The following NLGN4X variants were observed in gnomAD, a reference collection of about 807,000 sequenced individuals.
The protein encoded by NLGN4X is neuroligin-4, X-linked.
A neutral mutation model predicts 40.3 loss-of-function variants in NLGN4X; 3 were observed. The ratio of observed to expected loss-of-function variants is 0.07; its 90% confidence interval spans 0.03 to 0.19. The LOEUF (loss-of-function observed/expected upper bound fraction) is 0.19, where lower values mean the gene tolerates loss of function less well. NLGN4X is among the 10% of genes least tolerant of loss of function. The probability of loss-of-function intolerance (pLI) is 1.00; values close to 1 mark genes in which losing one functional copy is unlikely to be tolerated. For missense variants in NLGN4X, 382 were observed against 708.3 expected (o/e 0.54, Z 5.23); for synonymous variants, 270 against 306.8 (o/e 0.88, Z 1.25).
intron 3 of NLGN4X, 123 bp downstream of exon 3, chrX:6,029,157 C>A: frequency 1.3e-6 from 1 of 798,898 alleles, no homozygotes; most frequent in Admixed American, 2.4e-5. Flanking sequence ...AAAGTAAATA[C>A]CGTGAAGTGG....
intron 3 of NLGN4X, among the ~76,000 whole-genome samples, chrX:5,970,351 G>GA (rs750607899): frequency 0.026 from 2,855 of 108,109 alleles, 108 homozygotes; most frequent in African/African-American, 0.089. Context: ...AAAAGAAAAA[G>GA]AAAAAAAAAG....
intron 3 of NLGN4X, among the ~76,000 whole-genome samples, chrX:5,995,508 T>C (rs2035794511): frequency 8.9e-6 from 1 of 112,547 alleles, no homozygotes; most frequent in Admixed American, 9.4e-5. Context: ...AGGCAAGATG[T>C]TGACCAACAT....
At chrX:6,028,865 G>C (rs1197041262) in intron 3 of NLGN4X, among the ~76,000 whole-genome samples, 1 of 111,476 alleles carries the variant, frequency 9.0e-6, no homozygotes, top group Non-Finnish European at 1.9e-5. Context: ...TAGAGAATTG[G>C]ATAAAATCTT....
chrX:5,925,891 T>TATATATATATATACATACAC (rs2033279240), intron 3 of NLGN4X, among the ~76,000 whole-genome samples: 1 of 12,064 alleles, frequency 8.3e-5, no homozygotes, highest in African/African-American at 8.7e-4. Flanking sequence ...CATATATATA[T>TATATATATATATACATACAC]ATATATATAT....
chrX:5,927,129 T>C (rs767341559), intron 3 of NLGN4X, among the ~76,000 whole-genome samples: 10 of 111,762 alleles, frequency 8.9e-5, no homozygotes, highest in Non-Finnish European at 1.3e-4. Flanking sequence ...ATACTGTAAA[T>C]TTATAGCAAT....
At chrX:5,897,826 C>G (rs953284024) in intron 5 of NLGN4X, among the ~76,000 whole-genome samples, 1 of 111,537 alleles carries the variant, frequency 9.0e-6, no homozygotes, top group African/African-American at 3.3e-5. Context: ...CCTAATGCTA[C>G]CATGAAAATA....
chrX:6,226,027 A>C, intron 1 of NLGN4X, among the ~76,000 whole-genome samples: 1 of 99,118 alleles, frequency 1.0e-5, no homozygotes, highest in Non-Finnish European at 2.0e-5. Context: ...CCCCACCCCA[A>C]ATTTCTTAAG....
intron 1 of NLGN4X, among the ~76,000 whole-genome samples, chrX:6,217,393 A>C (rs1428737750): frequency 9.0e-6 from 1 of 111,691 alleles, no homozygotes; most frequent in African/African-American, 3.3e-5. Context: ...ATTTTTATAA[A>C]TTATGTCATA....
intron 5 of NLGN4X, among the ~76,000 whole-genome samples, chrX:5,895,773 A>T (rs927459699): frequency 2.7e-5 from 3 of 111,477 alleles, no homozygotes; most frequent in Non-Finnish European, 5.7e-5. Flanking sequence ...AGGTTCTAAT[A>T]CCATGAGTTT....
At chrX:6,221,405 A>ATT in intron 1 of NLGN4X, among the ~76,000 whole-genome samples, 1 of 90,958 alleles carries the variant, frequency 1.1e-5, no homozygotes, top group Admixed American at 1.2e-4. Flanking sequence ...ATATATATAT[A>ATT]TATATATATA....
intron 1 of NLGN4X, among the ~76,000 whole-genome samples, chrX:6,207,704 AGTTGGT>A (rs1445873913): frequency 4.5e-5 from 5 of 112,103 alleles, no homozygotes; most frequent in African/African-American, 1.3e-4. Context: ...ATGGAGTGAA[AGTTGGT>A]GCTTCAAATG....
At chrX:6,094,720 AAT>A (rs1460751884) in intron 2 of NLGN4X, among the ~76,000 whole-genome samples, 1 of 111,610 alleles carries the variant, frequency 9.0e-6, no homozygotes, top group Non-Finnish European at 1.9e-5. Context: ...TCTTGGAGGA[AAT>A]TTCTAAAGAA....
chrX:6,058,854 T>G (rs190260911), intron 2 of NLGN4X, among the ~76,000 whole-genome samples: 69 of 111,995 alleles, frequency 6.2e-4, no homozygotes, highest in African/African-American at 1.9e-3. Context: ...CAACAGAACA[T>G]GATATGGATT....
intron 1 of NLGN4X, among the ~76,000 whole-genome samples, chrX:6,191,807 T>A (rs1355666681): frequency 9.0e-6 from 1 of 111,511 alleles, no homozygotes; most frequent in Non-Finnish European, 1.9e-5. Flanking sequence ...TGCAGTGAGC[T>A]GAAATTCTGC....
intron 2 of NLGN4X, among the ~76,000 whole-genome samples, chrX:6,147,602 C>T (rs181759313): frequency 9.0e-6 from 1 of 110,723 alleles, no homozygotes; most frequent in African/African-American, 3.3e-5. Context: ...AGCTACCAAG[C>T]CATATTCTGC....
chrX:6,053,237 A>AT (rs1428155923), intron 2 of NLGN4X, among the ~76,000 whole-genome samples: 2 of 112,129 alleles, frequency 1.8e-5, no homozygotes, highest in Non-Finnish European at 3.8e-5. Flanking sequence ...AAGATGCAAC[A>AT]ATTATCTGCA....
chrX:6,031,787 T>TAAA (rs36065341), intron 2 of NLGN4X, among the ~76,000 whole-genome samples: 33 of 98,985 alleles, frequency 3.3e-4, no homozygotes, highest in East Asian at 2.2e-3. Flanking sequence ...TTCTCCTCTT[T>TAAA]AAAAAAAAAA....
intron 2 of NLGN4X, among the ~76,000 whole-genome samples, chrX:6,031,140 G>A (rs1465840023): frequency 5.4e-5 from 6 of 112,005 alleles, no homozygotes; most frequent in Non-Finnish European, 9.4e-5. Context: ...GCATTTTAAT[G>A]GTAATAAAGA....
chrX:6,115,012 C>T (rs752844089), intron 2 of NLGN4X, among the ~76,000 whole-genome samples: 7 of 112,454 alleles, frequency 6.2e-5, no homozygotes, highest in African/African-American at 1.9e-4. Context: ...TAAAGTGGAT[C>T]TTCATCTCTA....
Sources: allele counts gnomAD v4.1 joint callset (sites outside exome capture counted in the v4.1 genomes callset), GRCh38; gene constraint gnomAD v4.1.1; transcripts MANE v1.5; gene names NCBI Gene and HGNC (gene_info 2026-07-23, HGNC 2026-07-21).